GOLGA5: variants seen among roughly 807,000 people sequenced by gnomAD.
GOLGA5 encodes the protein golgin A5.
GOLGA5 carries 50 observed loss-of-function variants against 93.5 expected under a neutral mutation model. The ratio of observed to expected loss-of-function variants is 0.53; its 90% CI spans 0.43 to 0.68. The LOEUF is 0.68. Ranked by LOEUF, GOLGA5 falls within the 30% of genes least tolerant of loss-of-function variation. The probability of loss-of-function intolerance (pLI) is 0.00; values close to 1 mark genes in which losing one functional copy is unlikely to be tolerated. For synonymous variants in GOLGA5, 312 were observed against 304.5 expected (o/e 1.02, Z -0.26); for missense variants, 760 against 856.4 (o/e 0.89, Z 1.40).
At position 92,806,676 on chromosome 14, in the gene GOLGA5, T is replaced by G. The variant is rs1278888693; in HGVS notation, c.545-60T>G. On this transcript the variant is annotated intron_variant, in intron 2 of 12. Transcript: ENST00000163416. Reference sequence around the variant, plus strand: ...AACTTGAGCATCCTACCAAAGCAAGTTGTTAATGCATATGTGATGAACACG... The same window carrying G: ...AACTTGAGCATCCTACCAAAGCAAGGTGTTAATGCATATGTGATGAACACG... 3.6e-6 allele frequency: 4 copies of G among 1,102,868 alleles called. No individual in the cohort carries two copies. The Admixed American group carries it at 7.2e-5, about 20-fold the overall frequency. 68.3% of individuals were successfully genotyped at this position (1,102,868 alleles called of 1,614,324 possible).
At chr14:92,836,015 A>G (rs1290212467) in intron 11 of GOLGA5, among the ~76,000 whole-genome samples, 1 of 152,016 alleles carries the variant, frequency 6.6e-6, no homozygotes, top group East Asian at 1.9e-4. Flanking sequence ...TACTTCATGT[A>G]AAAGTATCCA....
At chr14:92,834,704 CTGAATGAGGTAGGAA>C (rs1885603713) in intron 10 of GOLGA5, among the ~76,000 whole-genome samples, 1 of 152,160 alleles carries the variant, frequency 6.6e-6, no homozygotes, top group Non-Finnish European at 1.5e-5. Context: ...GACTTTTACT[CTGAATGAGGTAGGAA>C]GCCATTGAAG....
chr14:92,803,319 G>C (rs1249962277), intron 2 of GOLGA5, among the ~76,000 whole-genome samples: 1 of 152,222 alleles, frequency 6.6e-6, no homozygotes, highest in Admixed American at 6.5e-5. Context: ...ACAGGCATGA[G>C]CCACCACACC....
At chr14:92,835,491 A>G in intron 10 of GOLGA5, 68 bp from the exon 11 acceptor site, 1 of 1,088,146 alleles carries the variant, frequency 9.2e-7, no homozygotes, top group South Asian at 1.4e-5. Flanking sequence ...AATACAGTGT[A>G]TTTCCAATTA....
At chr14:92,812,783 C>T (rs1885129060) in intron 6 of GOLGA5, among the ~76,000 whole-genome samples, 1 of 152,206 alleles carries the variant, frequency 6.6e-6, no homozygotes, top group South Asian at 2.1e-4. Context: ...CTGTTTCTGT[C>T]TCTCTTGGGC....
chr14:92,797,757 C>T lies in GOLGA5; in HGVS notation c.320C>T (p.Ser107Leu). Residue 107 changes from serine to leucine, a missense_variant, in exon 2 of 13, where the codon TCA (serine) becomes TTA (leucine). Physicochemically the swap from Ser to Leu is moderately radical, Grantham distance 145. Transcript: ENST00000163416. ...GAAAATGCATCTGTTCCTAGGCCTT[C>T]ATCCCATTTTGTGCGAAGAAAAAAG... ...PVENASVPRP[S>L]SHFVRRKKSE... is the part of the protein sequence containing the mutation. 6.2e-7 allele frequency: 1 copy of T among 1,613,344 alleles called. No individual in the cohort carries two copies. Among genetic ancestry groups the T allele is most frequent in the Non-Finnish European group, 8.5e-7 (1 of 1,179,492 alleles).
intron 8 of GOLGA5, among the ~76,000 whole-genome samples, chr14:92,820,957 A>G (rs1241779509): frequency 6.6e-6 from 1 of 152,112 alleles, no homozygotes. Flanking sequence ...TGACAGTCTG[A>G]TCTCTCTTTC....
At position 92,806,374 on chromosome 14, in the gene GOLGA5, A is replaced by G. The variant is rs575800500; in HGVS notation, c.545-362A>G. The stretch of plus-strand genomic sequence containing the variant: ...GCCCAGGCTGGAGTGCAGTGGTGCA[A>G]TCTTGGCTCACTGCAACACCTTTGG... On this transcript the variant is annotated intron_variant, in intron 2 of 12. Transcript: ENST00000163416. Among the ~76,000 whole-genome samples, 13 of 152,230 alleles carry G rather than the reference A, an allele frequency of 8.5e-5. 1 individual carries two copies. Among genetic ancestry groups the G allele is most frequent in the South Asian group, 6.2e-4 (3 of 4,828 alleles).
rs980604344 is a variant in GOLGA5, at chr14:92,806,720, A to G, written c.545-16A>G. The G allele has an allele frequency of 2.0e-5, 31 of 1,563,332 alleles. No individual in the cohort carries two copies. The highest frequency in any genetic ancestry group is 6.7e-5 in the East Asian group (3 of 44,648). Reference sequence around the variant, plus strand: ...GAACACGCCAATGTAACAAAAACGTATTCTTTTTTTTACAGAAGCTGCCAG... The same window carrying G: ...GAACACGCCAATGTAACAAAAACGTGTTCTTTTTTTTACAGAAGCTGCCAG... On this transcript the variant is annotated splice_polypyrimidine_tract_variant and intron_variant, in intron 2 of 12. Transcript: ENST00000163416.
At chr14:92,799,243 G>T (rs963435392) in intron 2 of GOLGA5, among the ~76,000 whole-genome samples, 3 of 151,140 alleles carry the variant, frequency 2.0e-5, no homozygotes, top group African/African-American at 7.3e-5. Context: ...GGGATTATGG[G>T]CATGATCTAC....
intron 12 of GOLGA5, among the ~76,000 whole-genome samples, chr14:92,838,743 G>A (rs1885698874): frequency 6.6e-6 from 1 of 152,202 alleles, no homozygotes; most frequent in South Asian, 2.1e-4. Context: ...TTCAGAATAT[G>A]CCCCAGAGGG....
intron 2 of GOLGA5, among the ~76,000 whole-genome samples, chr14:92,805,283 T>G (rs1198739698): frequency 6.6e-6 from 1 of 152,198 alleles, no homozygotes; most frequent in Non-Finnish European, 1.5e-5. Context: ...TAATCTGGCT[T>G]CTTTTACTGA....
At chr14:92,810,665 T>TG (rs1347085940) in intron 5 of GOLGA5, 2 of 189,416 alleles carry the variant, frequency 1.1e-5, no homozygotes, top group African/African-American at 4.7e-5. Flanking sequence ...TGCTAATGGT[T>TG]GGGGGATCGT....
intron 10 of GOLGA5, among the ~76,000 whole-genome samples, chr14:92,834,415 C>T (rs1428678107): frequency 6.7e-6 from 1 of 150,044 alleles, no homozygotes; most frequent in Non-Finnish European, 1.5e-5. Context: ...TCCATGTGTT[C>T]TCATTGTTCA....
At chr14:92,816,675 C>T (rs1885215943) in intron 7 of GOLGA5, among the ~76,000 whole-genome samples, 3 of 152,126 alleles carry the variant, frequency 2.0e-5, no homozygotes, top group Non-Finnish European at 2.9e-5. Context: ...AGTCTTCCCG[C>T]CTCAGGCTCC....
Position 92,837,374 on chromosome 14 carries a change from G to C in GOLGA5, c.2052-12G>C. The C allele has an allele frequency of 6.9e-7, 1 of 1,448,484 alleles. No individual in the cohort carries two copies. Among genetic ancestry groups the C allele is most frequent in the African/African-American group, 1.4e-5 (1 of 71,560 alleles). 89.7% of individuals were successfully genotyped at this position (1,448,484 alleles called of 1,614,324 possible). On this transcript the variant is annotated splice_polypyrimidine_tract_variant and intron_variant, in intron 11 of 12. Coordinates refer to ENST00000163416, the MANE Select transcript of GOLGA5 (RefSeq NM_005113.4). ...TCTCTCTCCTCTCCCCCTCACACCT[G>C]TGTCTGCACAGTATTCGCCTGGGAA...
intron 3 of GOLGA5, among the ~76,000 whole-genome samples, chr14:92,808,664 T>G (rs76167294): frequency 2.4e-4 from 4 of 16,382 alleles, no homozygotes; most frequent in African/African-American, 7.9e-4. Flanking sequence ...TGTTTTTGGG[T>G]TTTTTTTTTT....
Position 92,805,989 on chromosome 14 carries a change from AAAC to A in GOLGA5, c.545-744_545-742del, listed in dbSNP as rs1264057264. Among the ~76,000 whole-genome samples, 386 of 149,946 alleles carry A rather than the reference AAAC, an allele frequency of 2.6e-3. 5 individuals are homozygous for A. Among genetic ancestry groups the A allele is most frequent in the African/African-American group, 8.9e-3 (361 of 40,476 alleles). ...AGATTCCAGTTTGATTAAAAAAAAA[AAAC>A]AAAAAACCTTGTAGTGACCTGTTAT... On this transcript the variant is annotated intron_variant, in intron 2 of 12. Coordinates refer to ENST00000163416, the MANE Select transcript of GOLGA5 (RefSeq NM_005113.4).
rs537022332 is a variant in GOLGA5, at chr14:92,797,744, G to C, written c.307G>C (p.Val103Leu). ...CTCTCATCCTGTTGAAAATGCATCT[G>C]TTCCTAGGCCTTCATCCCATTTTGT... ...EASHPVENAS[V>L]PRPSSHFVRR... Residue 103 changes from valine to leucine, a missense_variant, in exon 2 of 13, where the codon GTT becomes CTT. Val to Leu is a conservative substitution (Grantham distance 32). Coordinates refer to ENST00000163416, the MANE Select transcript of GOLGA5 (RefSeq NM_005113.4). The C allele has an allele frequency of 1.2e-6, 2 of 1,613,592 alleles. No individual in the cohort carries two copies. Among genetic ancestry groups the C allele is most frequent in the East Asian group, 2.2e-5 (1 of 44,888 alleles).
Sources: gnomAD v4.1 joint callset for allele counts (sites outside exome capture counted in the v4.1 genomes callset) on GRCh38, gnomAD v4.1.1 for gene constraint, MANE v1.5 for transcripts, NCBI Gene and HGNC (gene_info 2026-07-23, HGNC 2026-07-21) for gene names.